SPIDR: variants seen among roughly 807,000 people sequenced by gnomAD.
SPIDR encodes DNA repair-scaffolding protein.
SPIDR carries 93 observed loss-of-function variants against 104.6 expected under a neutral mutation model. The observed-to-expected ratio is 0.89, with a 90% confidence interval of 0.75 to 1.06. SPIDR has a LOEUF of 1.06. Ranked by LOEUF, SPIDR falls within the 50% of genes least tolerant of loss-of-function variation. The probability of loss-of-function intolerance (pLI) is 0.00; values close to 1 mark genes in which losing one functional copy is unlikely to be tolerated. For missense variants in SPIDR, 1,154 were observed against 1,111.2 expected (o/e 1.04, Z -0.55); for synonymous variants, 431 against 416.9 (o/e 1.03, Z -0.41).
chr8:47,713,140 C>T, intron 15 of SPIDR: 1 of 817,950 alleles, frequency 1.2e-6, no homozygotes, highest in Non-Finnish European at 1.7e-6. Flanking sequence ...CACAAACAAA[C>T]CAAAAGCTAG....
rs1208982471 is a variant in SPIDR at position 47,443,642 on chromosome 8, C to CT, written c.1097+3112dup. ...CAAAATAATTTTTTAAAGGACTAGT[C>CT]TTTTTTTTTTTTATGGAAACTTGAG... On this transcript the variant is annotated intron_variant, in intron 8 of 19. Transcript: ENST00000297423. 8.4e-3 allele frequency among the ~76,000 whole-genome samples: 1,114 copies of CT among 132,100 alleles called. 7 individuals are homozygous for CT. Among genetic ancestry groups the CT allele is most frequent in the Middle Eastern group, 0.031 (8 of 258 alleles). The allele number at this position is 132,100 out of a possible 152,430, so 86.7% of individuals were successfully genotyped here. A position where few individuals can be genotyped will look rare whatever the true frequency, so the allele number is the denominator to read the frequency against.
chr8:47,597,079 T>G (rs2061704089), intron 9 of SPIDR, among the ~76,000 whole-genome samples: 1 of 152,212 alleles, frequency 6.6e-6, no homozygotes, highest in South Asian at 2.1e-4. Flanking sequence ...ACTTGTTTTT[T>G]AACAAGTAGA....
intron 5 of SPIDR, among the ~76,000 whole-genome samples, chr8:47,381,910 T>C (rs1310324935): frequency 6.6e-6 from 1 of 152,262 alleles, no homozygotes; most frequent in Non-Finnish European, 1.5e-5. Context: ...ATTAGTTTAG[T>C]TACCATCCTC....
intron 8 of SPIDR, among the ~76,000 whole-genome samples, chr8:47,546,343 T>G (rs2089370982): frequency 1.3e-5 from 2 of 152,140 alleles, no homozygotes; most frequent in African/African-American, 4.8e-5. Context: ...GTAGTTTGTA[T>G]TTTTTCAAGG....
At chr8:47,419,598 G>A (rs1238050888) in intron 7 of SPIDR, among the ~76,000 whole-genome samples, 4 of 151,880 alleles carry the variant, frequency 2.6e-5, no homozygotes, top group African/African-American at 9.7e-5. Flanking sequence ...TTTTTGAAGG[G>A]TTTTTGTGTC....
intron 8 of SPIDR, among the ~76,000 whole-genome samples, chr8:47,582,827 TACACACACACACACAC>T (rs72295566): frequency 0.028 from 3,670 of 130,246 alleles, 122 homozygotes; most frequent in East Asian, 0.1. Flanking sequence ...AACAACAAAT[TACACACACACACACAC>T]ACACACACAC....
At chr8:47,455,964 A>T (rs1554709541) in intron 8 of SPIDR, among the ~76,000 whole-genome samples, 1 of 152,188 alleles carries the variant, frequency 6.6e-6, no homozygotes, top group East Asian at 1.9e-4. Flanking sequence ...GAGAGCCGTA[A>T]GGAAATAAAG....
chr8:47,573,717 G>A (rs114069462), intron 8 of SPIDR, among the ~76,000 whole-genome samples: 1,720 of 152,318 alleles, frequency 0.011, 34 homozygotes, highest in African/African-American at 0.039. Flanking sequence ...ACTTTTGGAA[G>A]ACCAATAATT....
chr8:47,547,140 A>T (rs2089547785), intron 8 of SPIDR: 1 of 596,772 alleles, frequency 1.7e-6, no homozygotes, highest in Non-Finnish European at 3.2e-6. Context: ...GATGGAGGGG[A>T]TCAGGGTAGC....
intron 10 of SPIDR, among the ~76,000 whole-genome samples, chr8:47,646,529 T>A (rs2070390711): frequency 6.6e-6 from 1 of 152,224 alleles, no homozygotes; most frequent in African/African-American, 2.4e-5. Flanking sequence ...CATTAGGAAA[T>A]TAAAAATTAT....
intron 1 of SPIDR, among the ~76,000 whole-genome samples, chr8:47,265,498 G>A (rs2033766037): frequency 6.6e-6 from 1 of 151,780 alleles, no homozygotes; most frequent in African/African-American, 2.4e-5. Context: ...CCTAGAGGTT[G>A]TCTTATTCCT....
At chr8:47,615,387 T>C (rs184563523) in intron 10 of SPIDR, among the ~76,000 whole-genome samples, 24 of 152,252 alleles carry the variant, frequency 1.6e-4, no homozygotes, top group Admixed American at 2.0e-4. Context: ...ATTTAGGTAT[T>C]GGGGACATTT....
chr8:47,576,567 A>G (rs1023891387), intron 8 of SPIDR, among the ~76,000 whole-genome samples: 5 of 152,104 alleles, frequency 3.3e-5, no homozygotes, highest in Non-Finnish European at 7.4e-5. Flanking sequence ...CCAAGTAGCT[A>G]GGATTACAGG....
intron 5 of SPIDR, among the ~76,000 whole-genome samples, chr8:47,320,865 G>C (rs1751382415): frequency 6.6e-6 from 1 of 152,142 alleles, no homozygotes; most frequent in Non-Finnish European, 1.5e-5. Flanking sequence ...TATCTCAATA[G>C]ATGCAGAAAA....
chr8:47,316,490 T>C (rs1379255424), intron 5 of SPIDR, among the ~76,000 whole-genome samples: 1 of 152,130 alleles, frequency 6.6e-6, no homozygotes, highest in Non-Finnish European at 1.5e-5. Context: ...GATCAACAAA[T>C]AGGTATAGTC....
At chr8:47,544,767 A>G (rs1253278624) in intron 8 of SPIDR, among the ~76,000 whole-genome samples, 3 of 152,188 alleles carry the variant, frequency 2.0e-5, no homozygotes, top group Non-Finnish European at 4.4e-5. Flanking sequence ...ATAGCACTGT[A>G]TTCTTTTTCA....
chr8:47,691,329 A>G (rs2078624163), intron 11 of SPIDR, among the ~76,000 whole-genome samples: 2 of 152,112 alleles, frequency 1.3e-5, no homozygotes, highest in Admixed American at 1.3e-4. Flanking sequence ...AGAAAAAGAA[A>G]AATATCTTCC....
intron 14 of SPIDR, among the ~76,000 whole-genome samples, chr8:47,710,822 C>T (rs902677861): frequency 2.6e-5 from 4 of 151,530 alleles, no homozygotes; most frequent in Non-Finnish European, 5.9e-5. Flanking sequence ...TTCTGTCATC[C>T]GGGCTGTAGT....
intron 5 of SPIDR, among the ~76,000 whole-genome samples, chr8:47,369,259 A>G (rs1299791969): frequency 6.6e-6 from 1 of 152,224 alleles, no homozygotes; most frequent in Non-Finnish European, 1.5e-5. Context: ...TAAGAGAGGC[A>G]GCTTCTAACA....
Sources: allele counts gnomAD v4.1 joint callset (sites outside exome capture counted in the v4.1 genomes callset), GRCh38; gene constraint gnomAD v4.1.1; transcripts MANE v1.5; gene names NCBI Gene and HGNC (gene_info 2026-07-23, HGNC 2026-07-21).